BACE1: variants seen among roughly 807,000 people sequenced by gnomAD.
The protein encoded by BACE1 is beta-secretase 1.
A neutral mutation model predicts 54.0 loss-of-function variants in BACE1; 21 were observed. That is an observed-to-expected ratio of 0.39 (90% CI 0.28 to 0.56). BACE1 has a LOEUF of 0.56. BACE1 is among the 20% of genes least tolerant of loss of function. The pLI is 0.63. For missense variants in BACE1, 511 were observed against 661.2 expected, an observed-to-expected ratio of 0.77 and a Z score of 2.49; for synonymous variants, 232 against 260.9, an observed-to-expected ratio of 0.89 and a Z score of 1.07.
intron 1 of BACE1, among the ~76,000 whole-genome samples, chr11:117,308,819 G>A (rs28989473): frequency 0.02 from 2,988 of 151,988 alleles, 44 homozygotes; most frequent in Non-Finnish European, 0.03. Flanking sequence ...TGGGGGTGGT[G>A]GCGGGCACCT....
At chr11:117,310,990 T>C (rs1591870791) in intron 1 of BACE1, among the ~76,000 whole-genome samples, 1 of 151,866 alleles carries the variant, frequency 6.6e-6, no homozygotes, top group East Asian at 1.9e-4. Flanking sequence ...TTTTTTTTTT[T>C]CTTTTTTGGA....
chr11:117,286,444 G>C lies in BACE1; in HGVS notation c.*3122C>G, dbSNP rs1263623382. 3 of 152,176 alleles carry C rather than the reference G, an allele frequency of 2.0e-5. No individual in the cohort carries two copies. Among genetic ancestry groups the C allele is most frequent in the Non-Finnish European group, 4.4e-5 (3 of 68,006 alleles). The allele number at this position is 152,176 out of a possible 1,614,324, so 9.4% of individuals were successfully genotyped here. On this transcript the variant is annotated 3_prime_UTR_variant, in exon 9 of 9. Coordinates refer to ENST00000313005, the MANE Select transcript of BACE1 (RefSeq NM_012104.6). The stretch of plus-strand genomic sequence containing the variant: ...TCCCTTCTCTTTTAGAATTAAACAA[G>C]TAAAAACTAAGAGTTAACTTTTTAA...
chr11:117,306,074 C>T (rs1160446687), intron 1 of BACE1, among the ~76,000 whole-genome samples: 1 of 152,082 alleles, frequency 6.6e-6, no homozygotes, highest in African/African-American at 2.4e-5. Flanking sequence ...AATAAAGCAG[C>T]GGAATCCTTT....
Position 117,295,120 on chromosome 11 carries a change from G to T in BACE1, c.567+11C>A, listed in dbSNP as rs776650174. On this transcript the variant is annotated intron_variant, in intron 3 of 8. Transcript: ENST00000313005. ...CATAGAGTGTGTAGGGCCAAGCCCT[G>T]TTCCTCTCACCCTGGCAATCTCAGC... 44 of 1,612,610 alleles carry T rather than the reference G, an allele frequency of 2.7e-5. No homozygotes were observed. Among genetic ancestry groups the T allele is most frequent in the Non-Finnish European group, 3.7e-5 (44 of 1,178,772 alleles).
intron 2 of BACE1, chr11:117,295,708 C>G: frequency 6.8e-7 from 1 of 1,474,362 alleles, no homozygotes; most frequent in South Asian, 1.3e-5. Flanking sequence ...TCAAGCTCCC[C>G]GAGAAAAGGA....
chr11:117,290,833 A>G, intron 7 of BACE1, 67 bp downstream of exon 7: 1 of 1,581,348 alleles, frequency 6.3e-7, no homozygotes, highest in Non-Finnish European at 8.6e-7. Flanking sequence ...CTGGCAAGCC[A>G]TACCTGCTCA....
Position 117,293,738 on chromosome 11 carries a change from A to G in BACE1, c.705+133T>C. The G allele has an allele frequency of 1.1e-6, 1 of 871,450 alleles. No individual in the cohort carries two copies. The highest frequency in any genetic ancestry group is 1.6e-6 in the Non-Finnish European group (1 of 611,408). 54.0% of individuals were successfully genotyped at this position (871,450 alleles called of 1,614,324 possible). A position where few individuals can be genotyped will look rare whatever the true frequency, so the allele number is the denominator to read the frequency against. Reference sequence around the variant, plus strand: ...AAGAATGGAAAAATAAAGTAAGGGTAGGGAATATAAAGAGGTTCCTCCTGA... The same window carrying G: ...AAGAATGGAAAAATAAAGTAAGGGTGGGGAATATAAAGAGGTTCCTCCTGA... On this transcript the variant is annotated intron_variant, in intron 4 of 8. Transcript: ENST00000313005. The surrounding 1 kb of genome is among the most constrained non-coding windows in gnomAD (Gnocchi z 4.1).
rs763287881 is a variant in BACE1, at chr11:117,293,165, C to T, written c.729G>A (p.Ser243=). The change falls in exon 5 of 9, where the codon TCG becomes TCA. Residue 243 remains serine (S), a synonymous_variant. Coordinates refer to ENST00000313005, the MANE Select transcript of BACE1 (RefSeq NM_012104.6). This position sits in a 1 kb window ranked among gnomAD's most constrained non-coding sequence, Gnocchi z 4.1. The part of the protein sequence containing the change: ...GSMIIGGIDH[S]LYTGSLWYTP... ...TATACCAGAGACTGCCTGTGTACAG[C>T]GAGTGGTCGATACCTCCAATGATCT... 71 of 1,613,638 alleles carry T rather than the reference C, an allele frequency of 4.4e-5. No individual in the cohort carries two copies. Among genetic ancestry groups the T allele is most frequent in the Non-Finnish European group, 5.5e-5 (65 of 1,179,914 alleles).
intron 1 of BACE1, among the ~76,000 whole-genome samples, chr11:117,305,248 C>T (rs2034805168): frequency 6.6e-6 from 1 of 152,120 alleles, no homozygotes. Context: ...GATTTCCAGA[C>T]CTGAGCTTAC....
chr11:117,287,247 A>G lies in BACE1; in HGVS notation c.*2319T>C, dbSNP rs1234942417. 6.6e-6 allele frequency: 1 copy of G among 152,438 alleles called. No homozygotes were observed. The highest frequency in any genetic ancestry group is 2.4e-5 in the African/African-American group (1 of 41,450). 9.4% of individuals were successfully genotyped at this position (152,438 alleles called of 1,614,324 possible). On this transcript the variant is annotated 3_prime_UTR_variant, in exon 9 of 9. Coordinates refer to ENST00000313005, the MANE Select transcript of BACE1 (RefSeq NM_012104.6). ...CTTTCTTGTTCAGGATCAGTCAGAA[A>G]GCAACACAAGTGTTGGCGACCCCTG...
At chr11:117,301,210 C>T (rs143992825) in intron 1 of BACE1, among the ~76,000 whole-genome samples, 101 of 152,356 alleles carry the variant, frequency 6.6e-4, no homozygotes, top group African/African-American at 2.3e-3. Flanking sequence ...ACTAAGCCAT[C>T]TACCTAGATC....
chr11:117,291,162 A>G (rs2134445892), intron 6 of BACE1, 113 bp from the exon 7 acceptor site: 1 of 1,367,956 alleles, frequency 7.3e-7, no homozygotes, highest in Non-Finnish European at 1.0e-6. Flanking sequence ...TGAAATATCT[A>G]AAGTGGGGAG....
intron 1 of BACE1, 103 bp from the exon 2 acceptor site, chr11:117,297,064 TC>T: frequency 1.2e-6 from 1 of 864,250 alleles, no homozygotes; most frequent in Non-Finnish European, 1.9e-6. Flanking sequence ...CCTTAGAATG[TC>T]CAGAGTGAAG....
chr11:117,305,958 C>T (rs1229007565), intron 1 of BACE1, among the ~76,000 whole-genome samples: 1 of 152,092 alleles, frequency 6.6e-6, no homozygotes, highest in Non-Finnish European at 1.5e-5. Context: ...ATGGCGTGAA[C>T]CCAGGAGGCG....
chr11:117,299,423 G>A (rs73012495), intron 1 of BACE1, among the ~76,000 whole-genome samples: 2,651 of 151,918 alleles, frequency 0.017, 37 homozygotes, highest in Non-Finnish European at 0.025. Context: ...CTTCAGTTTC[G>A]TCCTCTCTGC....
Position 117,293,981 on chromosome 11 carries a change from CAAAG to C in BACE1, c.591_594del (p.Phe197LeufsTer5). ...ACGTGGGTCTGCTTTACCAGAGAGT[CAAAG>C]AAAGGCTCCAGGGAGTCGTCAGGCT... On this transcript the variant is annotated frameshift_variant, in exon 4 of 9. Coordinates refer to ENST00000313005, the MANE Select transcript of BACE1 (RefSeq NM_012104.6). LOFTEE classifies it high-confidence loss of function. This position sits in a 1 kb window ranked among gnomAD's most constrained non-coding sequence, Gnocchi z 4.1. 2 of 1,613,710 alleles carry C rather than the reference CAAAG, an allele frequency of 1.2e-6. No homozygotes were observed. The highest frequency in any genetic ancestry group is 1.7e-6 in the Non-Finnish European group (2 of 1,179,870).
intron 6 of BACE1, 125 bp from the exon 7 acceptor site, chr11:117,291,174 G>C (rs1188521242): frequency 1.3e-5 from 15 of 1,188,938 alleles, no homozygotes; most frequent in Non-Finnish European, 1.6e-5. Flanking sequence ...AGTGGGGAGG[G>C]GTAAACCAAC....
chr11:117,308,130 T>C (rs1202372619), intron 1 of BACE1, among the ~76,000 whole-genome samples: 2 of 152,096 alleles, frequency 1.3e-5, no homozygotes, highest in Non-Finnish European at 2.9e-5. Flanking sequence ...CCCTCACCGC[T>C]GAGGTCCCTT....
At chr11:117,291,099 T>A (rs1165441882) in intron 6 of BACE1, 50 bp from the exon 7 acceptor site, 1 of 1,596,356 alleles carries the variant, frequency 6.3e-7, no homozygotes, top group Non-Finnish European at 8.5e-7. Context: ...CTTTATCATC[T>A]CGCCCCTCCC....
Sources: allele counts gnomAD v4.1 joint callset (sites outside exome capture counted in the v4.1 genomes callset), GRCh38; gene constraint gnomAD v4.1.1; non-coding constraint Gnocchi (gnomAD v3.1); transcripts MANE v1.5; gene names NCBI Gene and HGNC (gene_info 2026-07-23, HGNC 2026-07-21).